Variants in FAAH2 observed in about 807,000 individuals in gnomAD.
FAAH2 encodes fatty-acid amide hydrolase 2.
FAAH2 carries 60 observed loss-of-function variants against 36.9 expected under a neutral mutation model. That is an observed-to-expected ratio of 1.63 (90% CI 1.32 to 2.02). The LOEUF (loss-of-function observed/expected upper bound fraction) is 2.02, where lower values mean the gene tolerates loss of function less well. Among genes scored for constraint, FAAH2 ranks in the 30% most tolerant of loss-of-function variants. The probability of loss-of-function intolerance (pLI) is 0.00; values close to 1 mark genes in which losing one functional copy is unlikely to be tolerated. For missense variants in FAAH2, 689 were observed against 397.5 expected (o/e 1.73, Z -6.23); for synonymous variants, 214 against 143.8 (o/e 1.49, Z -3.49).
At chrX:57,398,442 TTTTCCAAA>T (rs1477598038) in intron 7 of FAAH2, among the ~76,000 whole-genome samples, 5 of 112,299 alleles carry the variant, frequency 4.5e-5, no homozygotes, top group Non-Finnish European at 9.4e-5. Context: ...GTCAAATATG[TTTTCCAAA>T]TTTCTTACTT....
chrX:57,403,488 G>T (rs2055490519), intron 7 of FAAH2, among the ~76,000 whole-genome samples: 1 of 112,744 alleles, frequency 8.9e-6, no homozygotes, highest in Admixed American at 9.4e-5. Context: ...CTGGGTTCCT[G>T]AGTATTTCAT....
chrX:57,315,040 A>T (rs943462485), intron 3 of FAAH2, among the ~76,000 whole-genome samples: 1 of 111,832 alleles, frequency 8.9e-6, no homozygotes, highest in Non-Finnish European at 1.9e-5. Context: ...ATTAAAAAAG[A>T]AAGAGAAGAT....
chrX:57,427,095 G>T (rs1420206610), intron 7 of FAAH2, among the ~76,000 whole-genome samples: 1 of 110,977 alleles, frequency 9.0e-6, no homozygotes, highest in African/African-American at 3.3e-5. Flanking sequence ...GATAACTAGA[G>T]AGTAGCATGA....
chrX:57,471,459 G>C (rs2057164698), intron 10 of FAAH2, among the ~76,000 whole-genome samples: 1 of 110,358 alleles, frequency 9.1e-6, no homozygotes, highest in Non-Finnish European at 1.9e-5. Flanking sequence ...ATAACAGATA[G>C]AGAACCAAAT....
chrX:57,441,602 A>G (rs953927571), intron 8 of FAAH2, among the ~76,000 whole-genome samples: 6 of 108,114 alleles, frequency 5.5e-5, no homozygotes, highest in African/African-American at 1.7e-4. Context: ...GTGTGTGTCT[A>G]TCTCCTTCAG....
intron 7 of FAAH2, among the ~76,000 whole-genome samples, chrX:57,426,255 A>G (rs2056160032): frequency 8.9e-6 from 1 of 112,048 alleles, no homozygotes; most frequent in South Asian, 3.6e-4. Context: ...ATGCACCCAG[A>G]ATCATAAAAC....
At chrX:57,165,831 C>T in the FAAH2 span, among the ~76,000 whole-genome samples, 6 of 110,999 alleles carry the variant, frequency 5.4e-5, no homozygotes, top group Admixed American at 9.6e-5. Flanking sequence ...AAGAACTCCA[C>T]CTTTGGGCCT....
the FAAH2 span, among the ~76,000 whole-genome samples, chrX:57,215,278 C>T: frequency 1.8e-5 from 2 of 111,151 alleles, no homozygotes; most frequent in East Asian, 5.6e-4. Flanking sequence ...CCATCTCACG[C>T]CAGTCAGAAT....
At chrX:57,333,536 G>C (rs1013447155) in intron 4 of FAAH2, among the ~76,000 whole-genome samples, 5 of 110,365 alleles carry the variant, frequency 4.5e-5, no homozygotes, top group African/African-American at 1.6e-4. Flanking sequence ...CAACATGCAA[G>C]TACAGATCTG....
intron 7 of FAAH2, among the ~76,000 whole-genome samples, chrX:57,419,593 A>C (rs1182400669): frequency 3.6e-5 from 4 of 110,989 alleles, no homozygotes; most frequent in Non-Finnish European, 7.6e-5. Flanking sequence ...AATTTGTTTG[A>C]GTTCATTGTA....
At chrX:57,387,072 G>T (rs1011011198) in intron 7 of FAAH2, among the ~76,000 whole-genome samples, 2 of 111,692 alleles carry the variant, frequency 1.8e-5, no homozygotes, top group African/African-American at 6.5e-5. Context: ...TTCCATAAGA[G>T]AAATTTTATA....
chrX:57,240,458 A>G, the FAAH2 span, among the ~76,000 whole-genome samples: 1 of 111,478 alleles, frequency 9.0e-6, no homozygotes, highest in African/African-American at 3.3e-5. Context: ...AGTGCTGGCG[A>G]AAGTGATTCA....
At chrX:57,482,218 G>T (rs772749146) in intron 10 of FAAH2, among the ~76,000 whole-genome samples, 1 of 111,567 alleles carries the variant, frequency 9.0e-6, no homozygotes, top group African/African-American at 3.3e-5. Flanking sequence ...AGGCTCCCTG[G>T]CTTCAGACCC....
intron 7 of FAAH2, among the ~76,000 whole-genome samples, chrX:57,382,961 C>A (rs7392208): frequency 0.32 from 34,980 of 110,399 alleles, 4,447 homozygotes; most frequent in Middle Eastern, 0.61. Context: ...AGCAACACAT[C>A]AAAAAGCTTA....
intron 7 of FAAH2, among the ~76,000 whole-genome samples, chrX:57,399,976 A>G (rs2055392958): frequency 8.9e-6 from 1 of 111,990 alleles, no homozygotes; most frequent in Non-Finnish European, 1.9e-5. Context: ...AACTTCCATC[A>G]GTATACAATT....
At chrX:57,314,287 G>A (rs1223832194) in intron 3 of FAAH2, among the ~76,000 whole-genome samples, 2 of 111,404 alleles carry the variant, frequency 1.8e-5, no homozygotes, top group Middle Eastern at 4.6e-3. Flanking sequence ...CACAATAATA[G>A]TAGGAGATTT....
In FAAH2 at chrX:57,288,338, C is replaced by CTTTTTTTTT. The variant is rs771871081; in HGVS notation, c.192+1342_192+1350dup. On this transcript the variant is annotated intron_variant, in intron 1 of 10. Transcript: ENST00000374900. Reference sequence around the variant, plus strand: ...TAGCTCTGTGATCTTAAAAACATTTCTTTTTTTTTTTTTTTTTTTTTTTTT... The same window carrying CTTTTTTTTT: ...TAGCTCTGTGATCTTAAAAACATTTCTTTTTTTTTTTTTTTTTTTTTTTTTTTTTTTTTT... 1.9e-3 allele frequency among the ~76,000 whole-genome samples: 77 copies of CTTTTTTTTT among 40,351 alleles called. 14 individuals carry two copies. Among genetic ancestry groups the CTTTTTTTTT allele is most frequent in the African/African-American group, 0.01 (75 of 7,304 alleles). The allele number at this position is 40,351 out of a possible 115,157, so 35.0% of individuals were successfully genotyped here. A position where few individuals can be genotyped will look rare whatever the true frequency, so the allele number is the denominator to read the frequency against.
At chrX:57,370,047 G>A (rs1389088716) in intron 5 of FAAH2, among the ~76,000 whole-genome samples, 2 of 110,868 alleles carry the variant, frequency 1.8e-5, no homozygotes, top group Non-Finnish European at 3.8e-5. Context: ...GCCACTAACA[G>A]CAAATTACAG....
intron 5 of FAAH2, among the ~76,000 whole-genome samples, chrX:57,375,857 C>T (rs186689548): frequency 1.8e-5 from 2 of 111,568 alleles, no homozygotes; most frequent in East Asian, 5.6e-4. Flanking sequence ...ATGCTTTATT[C>T]ATTTTCCTTT....
Sources: allele counts gnomAD v4.1 joint callset (sites outside exome capture counted in the v4.1 genomes callset), GRCh38; gene constraint gnomAD v4.1.1; transcripts MANE v1.5; gene names NCBI Gene and HGNC (gene_info 2026-07-23, HGNC 2026-07-21).